Variants in PDE4B observed in about 807,000 individuals in gnomAD.
The protein encoded by PDE4B is phosphodiesterase 4B.
Under a neutral mutation model 82.2 loss-of-function variants are expected in PDE4B, and 20 were observed. The ratio of observed to expected loss-of-function variants is 0.24; its 90% confidence interval spans 0.17 to 0.35. PDE4B has a LOEUF of 0.35. Ranked by LOEUF, PDE4B falls within the 10% of genes least tolerant of loss-of-function variation. The pLI, the probability that PDE4B is intolerant of heterozygous loss-of-function variation, is 1.00. For synonymous variants in PDE4B, 320 were observed against 318.9 expected (o/e 1.00, Z -0.04); for missense variants, 655 against 907.2 (o/e 0.72, Z 3.57).
intron 3 of PDE4B, among the ~76,000 whole-genome samples, chr1:66,026,854 G>A (rs564294019): frequency 6.6e-6 from 1 of 152,284 alleles, no homozygotes; most frequent in East Asian, 1.9e-4. Flanking sequence ...ACCAATTATG[G>A]CGTCCTGAGG....
intron 3 of PDE4B, among the ~76,000 whole-genome samples, chr1:66,027,734 C>T (rs1432865296): frequency 1.3e-5 from 2 of 152,166 alleles, no homozygotes; most frequent in African/African-American, 4.8e-5. Flanking sequence ...TTATGGGGCC[C>T]ATGCAAGTCC....
At chr1:65,957,616 A>G (rs1205173001) in intron 3 of PDE4B, among the ~76,000 whole-genome samples, 2 of 152,128 alleles carry the variant, frequency 1.3e-5, no homozygotes, top group African/African-American at 4.8e-5. Flanking sequence ...TTGAATTTAG[A>G]AAGCCATTTC....
intron 3 of PDE4B, among the ~76,000 whole-genome samples, chr1:65,924,832 T>C (rs1647413105): frequency 6.6e-6 from 1 of 152,236 alleles, no homozygotes; most frequent in Non-Finnish European, 1.5e-5. Flanking sequence ...ATTTATAACA[T>C]GTCAGTTTGG....
intron 3 of PDE4B, among the ~76,000 whole-genome samples, chr1:66,020,425 A>G (rs997881393): frequency 2.6e-5 from 4 of 152,002 alleles, no homozygotes; most frequent in Non-Finnish European, 5.9e-5. Context: ...ATAACTCGTC[A>G]TTTATATTAG....
intron 3 of PDE4B, among the ~76,000 whole-genome samples, chr1:66,164,681 G>T (rs574127347): frequency 1.8e-4 from 27 of 151,062 alleles, no homozygotes; most frequent in Non-Finnish European, 1.3e-4. Flanking sequence ...CCCTGACTCT[G>T]GATATTCTGT....
At chr1:65,971,636 A>C (rs1005195096) in intron 3 of PDE4B, among the ~76,000 whole-genome samples, 1 of 152,198 alleles carries the variant, frequency 6.6e-6, no homozygotes, top group Non-Finnish European at 1.5e-5. Flanking sequence ...TGAAATGAAA[A>C]TGCTGAGAGT....
intron 3 of PDE4B, among the ~76,000 whole-genome samples, chr1:66,088,678 A>C (rs997022962): frequency 1.3e-5 from 2 of 152,094 alleles, no homozygotes; most frequent in Non-Finnish European, 2.9e-5. Context: ...AATATTCAAC[A>C]AAGAAGTGGT....
chr1:66,109,896 G>A (rs1231955806), intron 3 of PDE4B, among the ~76,000 whole-genome samples: 12 of 151,770 alleles, frequency 7.9e-5, no homozygotes, highest in African/African-American at 2.2e-4. Flanking sequence ...GCTATCAGAC[G>A]TTGAATTAGT....
intron 1 of PDE4B, among the ~76,000 whole-genome samples, chr1:65,845,229 C>T (rs1266964770): frequency 6.6e-6 from 1 of 152,186 alleles, no homozygotes; most frequent in African/African-American, 2.4e-5. Flanking sequence ...CTTCTCTCCA[C>T]AGTTATAAAT....
chr1:66,365,260 A>G (rs1570784961), intron 12 of PDE4B, among the ~76,000 whole-genome samples: 1 of 152,318 alleles, frequency 6.6e-6, no homozygotes, highest in East Asian at 1.9e-4. Context: ...TCTCTAAGTT[A>G]TTCAGCTAAG....
At chr1:66,171,024 A>G in intron 3 of PDE4B, among the ~76,000 whole-genome samples, 1 of 152,174 alleles carries the variant, frequency 6.6e-6, no homozygotes. Flanking sequence ...TGCAGTGCCT[A>G]CCTGGCATGA....
chr1:65,972,881 A>G (rs2100630685), intron 3 of PDE4B, among the ~76,000 whole-genome samples: 1 of 152,324 alleles, frequency 6.6e-6, no homozygotes, highest in African/African-American at 2.4e-5. Flanking sequence ...GTTGAATGCT[A>G]CATTGGGCCA....
intron 3 of PDE4B, among the ~76,000 whole-genome samples, chr1:66,085,742 T>C (rs970386119): frequency 1.3e-5 from 2 of 152,024 alleles, no homozygotes; most frequent in Non-Finnish European, 2.9e-5. Flanking sequence ...CTGAATACAT[T>C]ATAACTGCAC....
intron 1 of PDE4B, among the ~76,000 whole-genome samples, chr1:65,893,989 T>A (rs1404322266): frequency 6.6e-6 from 1 of 152,016 alleles, no homozygotes; most frequent in Non-Finnish European, 1.5e-5. Flanking sequence ...TTTGGGTACT[T>A]GCAGGGGAAG....
At chr1:66,359,872 G>A (rs578166365) in intron 9 of PDE4B, among the ~76,000 whole-genome samples, 1 of 152,266 alleles carries the variant, frequency 6.6e-6, no homozygotes, top group African/African-American at 2.4e-5. Flanking sequence ...TTTTTGACAG[G>A]AACCTCAAGG....
intron 3 of PDE4B, among the ~76,000 whole-genome samples, chr1:65,929,528 C>T (rs1368564556): frequency 6.6e-6 from 1 of 152,132 alleles, no homozygotes; most frequent in East Asian, 1.9e-4. Flanking sequence ...GCCTGTTTTT[C>T]CATAATTCCC....
At chr1:65,869,820 C>A (rs1646553457) in intron 1 of PDE4B, among the ~76,000 whole-genome samples, 1 of 146,478 alleles carries the variant, frequency 6.8e-6, no homozygotes, top group African/African-American at 2.5e-5. Context: ...TTAAATGGCA[C>A]TTTTGTATCT....
chr1:65,972,691 A>G (rs1348176674), intron 3 of PDE4B, among the ~76,000 whole-genome samples: 2 of 152,178 alleles, frequency 1.3e-5, no homozygotes, highest in Non-Finnish European at 2.9e-5. Context: ...ATTAAATTCT[A>G]TCTAATATAC....
intron 3 of PDE4B, among the ~76,000 whole-genome samples, chr1:65,992,038 T>C (rs180744558): frequency 7.9e-5 from 12 of 152,188 alleles, no homozygotes; most frequent in African/African-American, 2.9e-4. Context: ...GTAATAAAGA[T>C]TGGGCATTAA....
Sources: gnomAD v4.1 joint callset for allele counts (sites outside exome capture counted in the v4.1 genomes callset) on GRCh38, gnomAD v4.1.1 for gene constraint, MANE v1.5 for transcripts, NCBI Gene and HGNC (gene_info 2026-07-23, HGNC 2026-07-21) for gene names.